PCSK2: variants seen among roughly 807,000 people sequenced by gnomAD.
The protein encoded by PCSK2 is neuroendocrine convertase 2.
In PCSK2, 14 loss-of-function variants were observed where a neutral mutation model predicts 69.7. That is an observed-to-expected ratio of 0.20 (90% CI 0.13 to 0.31). The LOEUF is 0.31. PCSK2 is among the 10% of genes least tolerant of loss of function. PCSK2 has a pLI of 1.00. For missense variants in PCSK2, 544 were observed against 842.5 expected, an observed-to-expected ratio of 0.65 and a Z score of 4.39; for synonymous variants, 307 against 320.7, an observed-to-expected ratio of 0.96 and a Z score of 0.46.
intron 10 of PCSK2, among the ~76,000 whole-genome samples, chr20:17,458,781 T>C (rs2032966576): frequency 6.6e-6 from 1 of 152,222 alleles, no homozygotes; most frequent in South Asian, 2.1e-4. Context: ...CACTTTGTAG[T>C]TTAATATCAT....
intron 6 of PCSK2, among the ~76,000 whole-genome samples, chr20:17,411,170 G>T (rs980607794): frequency 6.6e-6 from 1 of 152,170 alleles, no homozygotes. Flanking sequence ...CATGATCGAC[G>T]CAGAAGATGG....
chr20:17,257,162 T>C (rs544764583), intron 1 of PCSK2, among the ~76,000 whole-genome samples: 1 of 151,560 alleles, frequency 6.6e-6, no homozygotes, highest in Non-Finnish European at 1.5e-5. Context: ...CCAACAAACA[T>C]ATGAAAAAAA....
intron 5 of PCSK2, among the ~76,000 whole-genome samples, chr20:17,369,620 C>A (rs2030699606): frequency 6.6e-6 from 1 of 152,180 alleles, no homozygotes; most frequent in African/African-American, 2.4e-5. Flanking sequence ...ATGGACAAGG[C>A]ATGTGGCCTG....
At chr20:17,280,493 T>C (rs1988268524) in intron 2 of PCSK2, among the ~76,000 whole-genome samples, 1 of 152,176 alleles carries the variant, frequency 6.6e-6, no homozygotes. Flanking sequence ...GCCCTTGTGT[T>C]TTAGAAAGTG....
chr20:17,380,995 C>T (rs2031072000), intron 5 of PCSK2, among the ~76,000 whole-genome samples: 1 of 152,148 alleles, frequency 6.6e-6, no homozygotes, highest in Non-Finnish European at 1.5e-5. Flanking sequence ...CACTTGCCTA[C>T]AAGCTTTCAT....
intron 5 of PCSK2, among the ~76,000 whole-genome samples, chr20:17,389,822 T>C (rs1296802718): frequency 6.6e-6 from 1 of 152,188 alleles, no homozygotes; most frequent in East Asian, 1.9e-4. Context: ...CTAGTGCAAA[T>C]GTCAAATGGT....
chr20:17,270,168 G>T (rs1568577804), intron 2 of PCSK2, among the ~76,000 whole-genome samples: 1 of 152,068 alleles, frequency 6.6e-6, no homozygotes, highest in South Asian at 2.1e-4. Context: ...TGAGGCAAAA[G>T]TGGTTTGAAG....
At chr20:17,463,642 A>C (rs2033049553) in intron 10 of PCSK2, 1 of 151,504 alleles carries the variant, frequency 6.6e-6, no homozygotes, top group Non-Finnish European at 1.5e-5. Context: ...ATTTCTCCTA[A>C]TGCTATCCCT....
At chr20:17,237,789 A>C (rs1986401675) in intron 1 of PCSK2, among the ~76,000 whole-genome samples, 1 of 152,210 alleles carries the variant, frequency 6.6e-6, no homozygotes, top group African/African-American at 2.4e-5. Flanking sequence ...TAAAGGGTAC[A>C]TCATAAAGCA....
chr20:17,344,036 T>C (rs1199471661), intron 2 of PCSK2, among the ~76,000 whole-genome samples: 1 of 152,248 alleles, frequency 6.6e-6, no homozygotes, highest in Admixed American at 6.5e-5. Flanking sequence ...CACTTTCTCC[T>C]GGTATTTCTC....
intron 1 of PCSK2, among the ~76,000 whole-genome samples, chr20:17,259,621 T>C (rs1021718164): frequency 9.2e-5 from 14 of 152,206 alleles, no homozygotes; most frequent in Admixed American, 1.3e-4. Context: ...CTCTCATTAC[T>C]GTGACTTCTC....
chr20:17,323,475 C>T (rs1024255057), intron 2 of PCSK2, among the ~76,000 whole-genome samples: 7 of 152,118 alleles, frequency 4.6e-5, no homozygotes, highest in South Asian at 4.1e-4. Flanking sequence ...CTAATATAAT[C>T]GGTTCACAGT....
At chr20:17,436,603 T>G in intron 7 of PCSK2, 105 bp from the exon 8 acceptor site, 2 of 933,742 alleles carry the variant, frequency 2.1e-6, no homozygotes, top group Non-Finnish European at 3.3e-6. Context: ...GCACCTGAGA[T>G]CTCCAACCAT....
intron 5 of PCSK2, among the ~76,000 whole-genome samples, chr20:17,399,753 C>G (rs1046655422): frequency 4.6e-5 from 7 of 152,160 alleles, no homozygotes; most frequent in Non-Finnish European, 1.0e-4. Flanking sequence ...CAATGATTGT[C>G]AAGCTGTACT....
intron 2 of PCSK2, among the ~76,000 whole-genome samples, chr20:17,287,886 G>A (rs1227703989): frequency 6.6e-6 from 1 of 152,168 alleles, no homozygotes; most frequent in African/African-American, 2.4e-5. Context: ...TACTCTGGTG[G>A]CCTCGTTGCC....
Position 17,260,450 on chromosome 20 carries a change from T to C in PCSK2, c.282+106T>C, listed in dbSNP as rs1299767731. The C allele has an allele frequency of 5.4e-6, 4 of 736,508 alleles. No individual in the cohort carries two copies. The Admixed American group carries it at 6.0e-5, about 11-fold the overall frequency. The allele number at this position is 736,508 out of a possible 1,614,324, so 45.6% of individuals were successfully genotyped here. A position where few individuals can be genotyped will look rare whatever the true frequency, so the allele number is the denominator to read the frequency against. ...GGAATTTTGAAGTAAAGGCACTTAA[T>C]GTACTATGATAGGGCAAATGAATGC... On this transcript the variant is annotated intron_variant, in intron 2 of 11. Transcript: ENST00000262545.
At chr20:17,376,611 T>G (rs1050445323) in intron 5 of PCSK2, among the ~76,000 whole-genome samples, 2 of 152,214 alleles carry the variant, frequency 1.3e-5, no homozygotes, top group African/African-American at 4.8e-5. Context: ...ATAAGCCTCA[T>G]AGTGTGTATT....
At chr20:17,463,465 A>G (rs1231361022) in intron 10 of PCSK2, 1 of 151,968 alleles carries the variant, frequency 6.6e-6, no homozygotes, top group African/African-American at 2.4e-5. Context: ...ATCTCCTCAA[A>G]TAAGCATTGA....
chr20:17,268,811 C>A (rs1035357413), intron 2 of PCSK2, among the ~76,000 whole-genome samples: 5 of 152,128 alleles, frequency 3.3e-5, no homozygotes, highest in African/African-American at 9.7e-5. Flanking sequence ...AAGGCGATTG[C>A]AATATTTCAG....
Sources: gnomAD v4.1 joint callset for allele counts (sites outside exome capture counted in the v4.1 genomes callset) on GRCh38, gnomAD v4.1.1 for gene constraint, MANE v1.5 for transcripts, NCBI Gene and HGNC (gene_info 2026-07-23, HGNC 2026-07-21) for gene names.